CSNK2A1: variants seen among roughly 807,000 people sequenced by gnomAD.
The protein encoded by CSNK2A1 is casein kinase 2 alpha 1.
A neutral mutation model predicts 62.9 loss-of-function variants in CSNK2A1; 10 were observed. That is an observed-to-expected ratio of 0.16 (90% CI 0.10 to 0.27). The LOEUF (loss-of-function observed/expected upper bound fraction) is 0.27, where lower values mean the gene tolerates loss of function less well. Ranked by LOEUF, CSNK2A1 falls within the 10% of genes least tolerant of loss-of-function variation. CSNK2A1 has a pLI of 1.00. For missense variants in CSNK2A1, 160 were observed against 492.0 expected, an observed-to-expected ratio of 0.33 and a Z score of 6.38; for synonymous variants, 124 against 167.8, an observed-to-expected ratio of 0.74 and a Z score of 2.02.
chr20:529,274 C>A (rs372088080), intron 1 of CSNK2A1, among the ~76,000 whole-genome samples: 39 of 152,024 alleles, frequency 2.6e-4, no homozygotes, highest in African/African-American at 9.2e-4. Flanking sequence ...AATCCTCCCG[C>A]CTTACCCTCC....
intron 1 of CSNK2A1, among the ~76,000 whole-genome samples, chr20:528,587 A>T (rs775926743): frequency 9.5e-5 from 14 of 146,978 alleles, no homozygotes; most frequent in South Asian, 2.1e-4. Context: ...TGCTAATTAA[A>T]TTTTTTCTTT....
chr20:488,177 T>C (rs2018141962), intron 11 of CSNK2A1: 1 of 169,192 alleles, frequency 5.9e-6, no homozygotes, highest in African/African-American at 2.4e-5. Context: ...TAGTCTGGAC[T>C]ACTGCCACAC....
At chr20:508,171 A>C in intron 3 of CSNK2A1, 1 of 266,936 alleles carries the variant, frequency 3.7e-6, no homozygotes, top group Non-Finnish European at 7.1e-6. Flanking sequence ...ATTAATTCAA[A>C]CTTTGTTATG....
In CSNK2A1 at chr20:499,178, T is replaced by C; in HGVS notation, c.366+77A>G. 4.9e-6 allele frequency: 6 copies of C among 1,233,618 alleles called. No homozygotes were observed. Among genetic ancestry groups the C allele is most frequent in the Non-Finnish European group, 6.5e-6 (6 of 918,430 alleles). The allele number at this position is 1,233,618 out of a possible 1,614,324, so 76.4% of individuals were successfully genotyped here. ...TTTTAAAAACAAATGCGAAGCAAGCTCTTCTAACAGCATCATCCCCAAAGG... is the reference window on the plus strand; with the variant it reads ...TTTTAAAAACAAATGCGAAGCAAGCCCTTCTAACAGCATCATCCCCAAAGG... On this transcript the variant is annotated intron_variant, in intron 6 of 13. Coordinates refer to ENST00000217244, the MANE Select transcript of CSNK2A1 (RefSeq NM_177559.3). This position sits in a 1 kb window ranked among gnomAD's most constrained non-coding sequence, Gnocchi z 4.2.
At position 525,063 on chromosome 20, in the gene CSNK2A1, C is replaced by A. The variant is rs963968767; in HGVS notation, c.-110+2870G>T. Reference sequence around the variant, plus strand: ...GTTTGAGGCTTCAGTGAGCTATGATCACAGTGTTGCACTCCAACCTGGCTG... The same window carrying A: ...GTTTGAGGCTTCAGTGAGCTATGATAACAGTGTTGCACTCCAACCTGGCTG... On this transcript the variant is annotated intron_variant, in intron 2 of 13. Coordinates refer to ENST00000217244, the MANE Select transcript of CSNK2A1 (RefSeq NM_177559.3). Among the ~76,000 whole-genome samples, 3 of 152,094 alleles carry A rather than the reference C, an allele frequency of 2.0e-5. No homozygotes were observed. The East Asian group carries it at 5.8e-4, about 29-fold the overall frequency.
At chr20:517,222 TAGA>T (rs1218366306) in intron 2 of CSNK2A1, among the ~76,000 whole-genome samples, 1 of 152,240 alleles carries the variant, frequency 6.6e-6, no homozygotes, top group African/African-American at 2.4e-5. Context: ...GGGCACTGAT[TAGA>T]AGGCCAACTT....
chr20:505,298 A>G (rs1465278402), intron 3 of CSNK2A1, 69 bp from the exon 4 acceptor site: 2 of 1,075,178 alleles, frequency 1.9e-6, no homozygotes, highest in Non-Finnish European at 2.8e-6. Flanking sequence ...ACAGGAATCT[A>G]TTACCAGCAG....
rs1491553117 is a variant in CSNK2A1, at chr20:537,964, T to TA, written c.-227+5707_-227+5708insT. 4.0e-5 allele frequency among the ~76,000 whole-genome samples: 4 copies of TA among 100,382 alleles called. No homozygotes were observed. In the East Asian group the frequency reaches 1.0e-3, roughly 25 times the overall value. 65.9% of individuals were successfully genotyped at this position (100,382 alleles called of 152,430 possible). On this transcript the variant is annotated intron_variant, in intron 1 of 13. Coordinates refer to ENST00000217244, the MANE Select transcript of CSNK2A1 (RefSeq NM_177559.3). The stretch of plus-strand genomic sequence containing the variant: ...TTGAATATTATAGACAGTTAACATC[T>TA]TTTTTTTTTTTTTTTGAGACGGAGT...
At chr20:542,530 T>C (rs1486384541) in intron 1 of CSNK2A1, among the ~76,000 whole-genome samples, 1 of 152,212 alleles carries the variant, frequency 6.6e-6, no homozygotes, top group Non-Finnish European at 1.5e-5. Context: ...CCTCCCAGGT[T>C]CAAGCGATTC....
Position 478,463 on chromosome 20 carries a change from C to A in CSNK2A1, c.*5498G>T. ...CCCCAGCTGCTGCAGCATTTTTTTC[C>A]CTTTTTCTCATTACAGGAGCCAAGA... On this transcript the variant is annotated 3_prime_UTR_variant, in exon 14 of 14. Coordinates refer to ENST00000217244, the MANE Select transcript of CSNK2A1 (RefSeq NM_177559.3). 2 of 217,792 alleles carry A rather than the reference C, an allele frequency of 9.2e-6. No homozygotes were observed. The highest frequency in any genetic ancestry group is 8.6e-5 in the South Asian group (2 of 23,152). 13.5% of individuals were successfully genotyped at this position (217,792 alleles called of 1,614,324 possible).
intron 1 of CSNK2A1, chr20:539,255 TG>T (rs1469201354): frequency 6.6e-6 from 1 of 152,198 alleles, no homozygotes; most frequent in Non-Finnish European, 1.5e-5. Context: ...ATCCAGTGGG[TG>T]GGTTCCCTGC....
intron 1 of CSNK2A1, chr20:539,976 G>A (rs900809201): frequency 1.3e-5 from 2 of 152,216 alleles, no homozygotes; most frequent in African/African-American, 4.8e-5. Context: ...AGAGCCTCCG[G>A]TCCAAAGCAG....
chr20:518,454 C>T (rs1020642920), intron 2 of CSNK2A1, among the ~76,000 whole-genome samples: 1 of 152,158 alleles, frequency 6.6e-6, no homozygotes, highest in African/African-American at 2.4e-5. Flanking sequence ...TGGATTAGTG[C>T]CCATGCATAC....
At chr20:540,555 G>T (rs1391675790) in intron 1 of CSNK2A1, among the ~76,000 whole-genome samples, 2 of 151,900 alleles carry the variant, frequency 1.3e-5, no homozygotes, top group African/African-American at 4.8e-5. Flanking sequence ...TTTCTTTTTT[G>T]ACAGGGTCTC....
chr20:473,239 A>T lies in CSNK2A1; in HGVS notation c.*10722T>A, dbSNP rs1019222511. The T allele has an allele frequency of 1.3e-5, 2 of 152,238 alleles. No homozygotes were observed. The highest frequency in any genetic ancestry group is 4.8e-5 in the African/African-American group (2 of 41,352). 9.4% of individuals were successfully genotyped at this position (152,238 alleles called of 1,614,324 possible). On this transcript the variant is annotated 3_prime_UTR_variant, in exon 14 of 14. Transcript: ENST00000217244. Reference sequence around the variant, plus strand: ...CATACTCTTGTCTCTCTCCTGTAACATTTTTACTTCTAACTCAAGGCTTGT... The same window carrying T: ...CATACTCTTGTCTCTCTCCTGTAACTTTTTTACTTCTAACTCAAGGCTTGT...
chr20:486,560 A>C, intron 12 of CSNK2A1, 98 bp from the exon 13 acceptor site: 1 of 1,282,352 alleles, frequency 7.8e-7, no homozygotes, highest in Non-Finnish European at 1.1e-6. Context: ...TTTGCAATTT[A>C]TATATACTCT....
Position 488,709 on chromosome 20 carries a change from A to G in CSNK2A1, c.793T>C (p.Leu265=). The change falls in exon 11 of 14, where the codon TTA becomes CTA. Residue 265 remains leucine (L), a synonymous_variant. Coordinates refer to ENST00000217244, the MANE Select transcript of CSNK2A1 (RefSeq NM_177559.3). The part of the protein sequence containing the change: ...YDYIDKYNIE[L]DPRFNDILGR... ...AAGATATCATTGAAACGTGGATCTA[A>G]TTCAATGTTGTATTTGTCAATATAG... 1 of 1,613,996 alleles carries G rather than the reference A, an allele frequency of 6.2e-7. No homozygotes were observed. The highest frequency in any genetic ancestry group is 8.5e-7 in the Non-Finnish European group (1 of 1,179,914).
At chr20:521,903 T>C (rs1178377887) in intron 2 of CSNK2A1, among the ~76,000 whole-genome samples, 1 of 152,148 alleles carries the variant, frequency 6.6e-6, no homozygotes, top group Non-Finnish European at 1.5e-5. Flanking sequence ...TGGTGAATCT[T>C]AAAAGTGAAG....
intron 11 of CSNK2A1, 57 bp from the exon 12 acceptor site, chr20:487,632 T>C: frequency 6.2e-7 from 1 of 1,609,600 alleles, no homozygotes; most frequent in South Asian, 1.1e-5. Context: ...AAGCCCAACA[T>C]TTCATTCCTA....
Sources: allele counts gnomAD v4.1 joint callset (sites outside exome capture counted in the v4.1 genomes callset), GRCh38; gene constraint gnomAD v4.1.1; non-coding constraint Gnocchi (gnomAD v3.1); transcripts MANE v1.5; gene names NCBI Gene and HGNC (gene_info 2026-07-23, HGNC 2026-07-21).